Variants in TMEM184C observed in about 807,000 individuals in gnomAD.
TMEM184C encodes the protein transmembrane protein 34.
TMEM184C carries 25 observed loss-of-function variants against 54.5 expected under a neutral mutation model. The observed-to-expected ratio is 0.46, with a 90% CI of 0.33 to 0.64. The LOEUF is 0.64. TMEM184C is among the 30% of genes least tolerant of loss of function. The pLI is 0.02. For missense variants in TMEM184C, 335 were observed against 520.3 expected (o/e 0.64, Z 3.46); for synonymous variants, 148 against 181.5 (o/e 0.82, Z 1.49).
intron 1 of TMEM184C, 63 bp from the exon 2 acceptor site, chr4:147,623,771 C>A: frequency 1.3e-6 from 2 of 1,544,510 alleles, no homozygotes; most frequent in Non-Finnish European, 1.8e-6. Flanking sequence ...AGGCACTGAG[C>A]CTGGCCAAGC....
chr4:147,627,685 A>G (rs932397099), intron 4 of TMEM184C, among the ~76,000 whole-genome samples: 7 of 152,188 alleles, frequency 4.6e-5, no homozygotes, highest in African/African-American at 1.7e-4. Flanking sequence ...GGATCACTTG[A>G]GCCCAGGAGG....
At chr4:147,621,549 ATAGC>A (rs1333364024) in intron 1 of TMEM184C, among the ~76,000 whole-genome samples, 4 of 152,214 alleles carry the variant, frequency 2.6e-5, no homozygotes, top group African/African-American at 4.8e-5. Flanking sequence ...ATTTCTGCAG[ATAGC>A]TAGTGTTGAG....
intron 8 of TMEM184C, 84 bp downstream of exon 8, chr4:147,633,086 C>T (rs1732945214): frequency 8.6e-7 from 1 of 1,162,564 alleles, no homozygotes; most frequent in Non-Finnish European, 1.3e-6. Flanking sequence ...TGACAACACA[C>T]AGGGTATGGG....
chr4:147,633,127 CAG>C (rs1420688078), intron 8 of TMEM184C, 125 bp downstream of exon 8: 4 of 701,606 alleles, frequency 5.7e-6, no homozygotes, highest in African/African-American at 5.4e-5. Flanking sequence ...GGTGAGAAAA[CAG>C]GGGAACCCTA....
rs760184187 is a variant in TMEM184C at position 147,632,964 on chromosome 4, G to A, written c.841G>A (p.Glu281Lys). Residue 281 changes from glutamate to lysine, a missense_variant, in exon 8 of 10, where the codon GAA becomes AAA. Transcript: ENST00000296582. ...CGTTATTTCTGAAAAGCATACGTGG[G>A]AATGGCAAACTGTAGAAGCTGTGGC... ...VGVISEKHTW[E>K]WQTVEAVATG... 6.2e-7 allele frequency: 1 copy of A among 1,614,006 alleles called. No homozygotes were observed. The highest frequency in any genetic ancestry group is 1.7e-5 in the Admixed American group (1 of 59,996).
rs184191217 is a variant in TMEM184C at position 147,636,496 on chromosome 4, G to C, written c.*2062G>C. 2 of 152,152 alleles carry C rather than the reference G, an allele frequency of 1.3e-5. No homozygotes were observed. Among genetic ancestry groups the C allele is most frequent in the Admixed American group, 1.3e-4 (2 of 15,280 alleles). 9.4% of individuals were successfully genotyped at this position (152,152 alleles called of 1,614,324 possible). A position where few individuals can be genotyped will look rare whatever the true frequency, so the allele number is the denominator to read the frequency against. ...AACAATCAATTCAAAATGGATAAAA[G>C]ACCTAAATGTAAGACCAGAAACTAT... On this transcript the variant is annotated 3_prime_UTR_variant, in exon 10 of 10. Transcript: ENST00000296582.
Position 147,626,796 on chromosome 4 carries a change from T to C in TMEM184C, c.498-1565T>C, listed in dbSNP as rs1369271184. On this transcript the variant is annotated intron_variant, in intron 4 of 9. Transcript: ENST00000296582. ...ATATATAGTTAGTTATTTCAGGAAA[T>C]GCAATGAAGGAAGAAGGACAGGAGG... 2.6e-5 allele frequency among the ~76,000 whole-genome samples: 4 copies of C among 152,094 alleles called. No homozygotes were observed. The South Asian group carries it at 6.2e-4, about 24-fold the overall frequency.
intron 1 of TMEM184C, among the ~76,000 whole-genome samples, chr4:147,619,975 C>A (rs1227864364): frequency 6.6e-6 from 1 of 152,222 alleles, no homozygotes; most frequent in Non-Finnish European, 1.5e-5. Flanking sequence ...CCCACCTGAT[C>A]CCCCTCTGAC....
At chr4:147,631,559 GTTGA>G in intron 7 of TMEM184C, 54 bp downstream of exon 7, 2 of 1,304,724 alleles carry the variant, frequency 1.5e-6, no homozygotes, top group South Asian at 2.5e-5. Flanking sequence ...AGTAAAAACC[GTTGA>G]TTAAGGAGGA....
In TMEM184C at chr4:147,635,406, CCA is replaced by C. The variant is rs1336717901; in HGVS notation, c.*975_*976del. ...TGAATGGTCTTAATTACTCATTAAA[CCA>C]CAGTCAGAAAGACATATAGGTGCTA... On this transcript the variant is annotated 3_prime_UTR_variant, in exon 10 of 10. Transcript: ENST00000296582. 3.3e-5 allele frequency: 5 copies of C among 152,244 alleles called. No homozygotes were observed. In the South Asian group the frequency reaches 1.0e-3, roughly 32 times the overall value. The allele number at this position is 152,244 out of a possible 1,614,324, so 9.4% of individuals were successfully genotyped here. A position where few individuals can be genotyped will look rare whatever the true frequency, so the allele number is the denominator to read the frequency against.
chr4:147,630,304 T>TG (rs1237197403), intron 6 of TMEM184C, among the ~76,000 whole-genome samples: 1 of 152,098 alleles, frequency 6.6e-6, no homozygotes, highest in Non-Finnish European at 1.5e-5. Flanking sequence ...ATAATTTAGA[T>TG]GCAGTGGTAT....
At chr4:147,631,895 G>C (rs932043902) in intron 7 of TMEM184C, among the ~76,000 whole-genome samples, 1 of 152,048 alleles carries the variant, frequency 6.6e-6, no homozygotes, top group Non-Finnish European at 1.5e-5. Context: ...ATATAGTAAA[G>C]AGGGCCGGGC....
intron 1 of TMEM184C, among the ~76,000 whole-genome samples, chr4:147,618,930 C>T (rs1157981732): frequency 7.9e-5 from 12 of 152,166 alleles, no homozygotes; most frequent in Admixed American, 7.2e-4. Flanking sequence ...AGTGCAATGG[C>T]GAGATCTCGG....
rs964146972 is a variant in TMEM184C, at chr4:147,636,253, T to C, written c.*1819T>C. 1.3e-5 allele frequency: 2 copies of C among 152,152 alleles called. No homozygotes were observed. Among genetic ancestry groups the C allele is most frequent in the Admixed American group, 1.3e-4 (2 of 15,276 alleles). The allele number at this position is 152,152 out of a possible 1,614,324, so 9.4% of individuals were successfully genotyped here. On this transcript the variant is annotated 3_prime_UTR_variant, in exon 10 of 10. Transcript: ENST00000296582. ...CAAAACTATAGTAATCAAGACAGTA[T>C]GGTACTGGTATAAAAACACATACAC...
intron 7 of TMEM184C, chr4:147,632,421 C>CT (rs1732934315): frequency 6.5e-6 from 1 of 153,222 alleles, no homozygotes; most frequent in Non-Finnish European, 1.5e-5. Context: ...AGATACAGTT[C>CT]TTTGTCAGTA....
chr4:147,634,581 T>C lies in TMEM184C; in HGVS notation c.*147T>C, dbSNP rs1732978917. On this transcript the variant is annotated 3_prime_UTR_variant, in exon 10 of 10. Coordinates refer to ENST00000296582, the MANE Select transcript of TMEM184C (RefSeq NM_018241.3). ...CAGGTACAACTACTGCATTTATATA[T>C]GTAAGTTTTGTATATCAAAAATAAT... The C allele has an allele frequency of 3.7e-6, 3 of 811,890 alleles. No individual in the cohort carries two copies. The highest frequency in any genetic ancestry group is 3.8e-6 in the Non-Finnish European group (2 of 531,952). 50.3% of individuals were successfully genotyped at this position (811,890 alleles called of 1,614,324 possible). A position where few individuals can be genotyped will look rare whatever the true frequency, so the allele number is the denominator to read the frequency against.
At chr4:147,626,711 GAACA>G (rs1732821353) in intron 4 of TMEM184C, among the ~76,000 whole-genome samples, 1 of 152,220 alleles carries the variant, frequency 6.6e-6, no homozygotes, top group Non-Finnish European at 1.5e-5. Flanking sequence ...TTAGTGCACA[GAACA>G]GACATAGACC....
At chr4:147,625,318 A>G (rs1251005549) in intron 4 of TMEM184C, among the ~76,000 whole-genome samples, 2 of 152,226 alleles carry the variant, frequency 1.3e-5, no homozygotes, top group African/African-American at 4.8e-5. Context: ...ATCTTATGTA[A>G]GAACACACAG....
In TMEM184C at chr4:147,634,334, C is replaced by T. The variant is rs768917405; in HGVS notation, c.1217C>T (p.Thr406Ile). ...TACCAAGGGTTTGGACACACTGTGA[C>T]TCCCCAGACTACACCTACCACAGCT... ...GHYQGFGHTV[T>I]PQTTPTTAKI... is the part of the protein sequence containing the mutation. The change falls in exon 10 of 10, where the codon ACT becomes ATT. Residue 406 changes from threonine to isoleucine, a missense_variant. Transcript: ENST00000296582. 6.2e-7 allele frequency: 1 copy of T among 1,614,150 alleles called. No homozygotes were observed. The highest frequency in any genetic ancestry group is 1.6e-4 in the Middle Eastern group (1 of 6,062).
Sources: allele counts gnomAD v4.1 joint callset (sites outside exome capture counted in the v4.1 genomes callset), GRCh38; gene constraint gnomAD v4.1.1; transcripts MANE v1.5; gene names NCBI Gene and HGNC (gene_info 2026-07-23, HGNC 2026-07-21).